TNRC6A: variants seen among roughly 807,000 people sequenced by gnomAD.
TNRC6A encodes trinucleotide repeat containing adaptor 6A, also known as trinucleotide repeat-containing gene 6A protein.
A neutral mutation model predicts 221.2 loss-of-function variants in TNRC6A; 44 were observed. The observed-to-expected ratio is 0.20, with a 90% confidence interval of 0.16 to 0.26. The LOEUF is 0.26. TNRC6A is among the 10% of genes least tolerant of loss of function. The pLI is 1.00. For synonymous variants in TNRC6A, 847 were observed against 838.5 expected (o/e 1.01, Z -0.18); for missense variants, 2,199 against 2,404.4 (o/e 0.91, Z 1.79).
intron 1 of TNRC6A, among the ~76,000 whole-genome samples, chr16:24,629,842 G>A (rs539340558): frequency 5.9e-5 from 9 of 151,956 alleles, no homozygotes; most frequent in South Asian, 2.1e-4. Flanking sequence ...GTGCTGGTGC[G>A]TGCCTGTTAT....
chr16:24,666,251 G>T (rs1024033541), intron 2 of TNRC6A, among the ~76,000 whole-genome samples: 2 of 151,758 alleles, frequency 1.3e-5, no homozygotes, highest in Admixed American at 6.6e-5. Flanking sequence ...GGTGGATCAC[G>T]AGGTCAGGAG....
At chr16:24,726,631 T>C (rs1002635196), upstream of TNRC6A, among the ~76,000 whole-genome samples, 1 of 152,078 alleles carries the variant, frequency 6.6e-6, no homozygotes, top group Non-Finnish European at 1.5e-5. Context: ...CAGTGGAAGG[T>C]GCTTGTGTTG....
At chr16:24,627,627 A>G (rs1901090997) in intron 1 of TNRC6A, among the ~76,000 whole-genome samples, 2 of 147,732 alleles carry the variant, frequency 1.4e-5, no homozygotes, top group African/African-American at 2.5e-5. Context: ...TTGACCCCTG[A>G]TGTGTTCTTA....
At chr16:24,616,339 A>G (rs928204477) in intron 1 of TNRC6A, among the ~76,000 whole-genome samples, 4 of 147,392 alleles carry the variant, frequency 2.7e-5, no homozygotes, top group African/African-American at 1.0e-4. Flanking sequence ...AAAAAAAAAA[A>G]AAAAAGAAGA....
At chr16:24,708,531 G>A (rs907120491) in intron 2 of TNRC6A, among the ~76,000 whole-genome samples, 19 of 151,922 alleles carry the variant, frequency 1.3e-4, no homozygotes, top group African/African-American at 3.9e-4. Flanking sequence ...GTGAGCCACC[G>A]CCCCCAGCCA....
chr16:24,670,544 A>T (rs2055274699), intron 2 of TNRC6A, among the ~76,000 whole-genome samples: 1 of 152,122 alleles, frequency 6.6e-6, no homozygotes, highest in African/African-American at 2.4e-5. Flanking sequence ...GTAATGTAAA[A>T]ATCTGCTTCT....
intron 2 of TNRC6A, among the ~76,000 whole-genome samples, chr16:24,747,038 A>G (rs1335094945): frequency 6.6e-6 from 1 of 150,550 alleles, no homozygotes; most frequent in South Asian, 2.1e-4. Flanking sequence ...CTACTGGAAG[A>G]TACGGGCAAA....
chr16:24,631,153 G>A (rs186257064), intron 1 of TNRC6A, among the ~76,000 whole-genome samples: 48 of 152,338 alleles, frequency 3.2e-4, no homozygotes, highest in Non-Finnish European at 5.9e-4. Context: ...CAAGGTAGGA[G>A]GATAACATCT....
intron 1 of TNRC6A, among the ~76,000 whole-genome samples, chr16:24,623,477 G>C (rs574764937): frequency 2.0e-5 from 3 of 152,086 alleles, no homozygotes; most frequent in African/African-American, 7.2e-5. Flanking sequence ...GATCAGGCTG[G>C]GTCATTCTTC....
At chr16:24,719,396 T>C (rs558023615) in intron 2 of TNRC6A, among the ~76,000 whole-genome samples, 18 of 152,270 alleles carry the variant, frequency 1.2e-4, no homozygotes, top group African/African-American at 4.3e-4. Flanking sequence ...CTGGGCTTGC[T>C]GGCTCACGCT....
chr16:24,776,308 C>T (rs1427156805), intron 4 of TNRC6A: 30 of 984,640 alleles, frequency 3.0e-5, no homozygotes, highest in Non-Finnish European at 3.3e-5. Flanking sequence ...TTATTTATCT[C>T]ATTTTGATTC....
intron 11 of TNRC6A, among the ~76,000 whole-genome samples, chr16:24,798,697 A>G (rs2058269763): frequency 6.6e-6 from 1 of 152,198 alleles, no homozygotes; most frequent in Non-Finnish European, 1.5e-5. Context: ...AAAAATTGAT[A>G]ACCAGTTTGA....
intron 1 of TNRC6A, among the ~76,000 whole-genome samples, chr16:24,626,318 A>G (rs911936260): frequency 3.3e-5 from 5 of 152,204 alleles, no homozygotes; most frequent in Non-Finnish European, 5.9e-5. Flanking sequence ...TATAACACAC[A>G]CAGGAAAAAA....
At chr16:24,639,123 A>G (rs1901793460) in intron 1 of TNRC6A, among the ~76,000 whole-genome samples, 1 of 152,192 alleles carries the variant, frequency 6.6e-6, no homozygotes, top group African/African-American at 2.4e-5. Context: ...TTTGACTCTT[A>G]AAGTTAAGAG....
chr16:24,647,582 C>T (rs1022394233), intron 2 of TNRC6A, among the ~76,000 whole-genome samples: 11 of 152,092 alleles, frequency 7.2e-5, no homozygotes, highest in Admixed American at 3.3e-4. Flanking sequence ...CCATCACCAC[C>T]GTCCATCTCT....
In TNRC6A at chr16:24,814,893, A is replaced by G. The variant is rs542968650; in HGVS notation, c.4673-254A>G. Among the ~76,000 whole-genome samples the G allele has an allele frequency of 2.6e-5, 4 of 152,324 alleles. No homozygotes were observed. The East Asian group carries it at 5.8e-4, about 22-fold the overall frequency. On this transcript the variant is annotated intron_variant, in intron 18 of 24. Coordinates refer to ENST00000395799, the MANE Select transcript of TNRC6A (RefSeq NM_014494.4). The stretch of plus-strand genomic sequence containing the variant: ...ATACAAGTGTTTTAATGATTTGGAA[A>G]TAAGTTTGTACTCATATTCTGGTCA...
intron 2 of TNRC6A, among the ~76,000 whole-genome samples, chr16:24,653,574 G>A (rs1241841745): frequency 1.3e-5 from 2 of 152,054 alleles, no homozygotes; most frequent in Non-Finnish European, 2.9e-5. Flanking sequence ...TCAGGAGTTC[G>A]AGACCAGCCT....
chr16:24,677,020 A>G (rs1398934388), intron 2 of TNRC6A, among the ~76,000 whole-genome samples: 1 of 152,052 alleles, frequency 6.6e-6, no homozygotes, highest in Non-Finnish European at 1.5e-5. Flanking sequence ...TCTGTCGCCA[A>G]TTCAGGCATC....
rs921417174 is a variant in TNRC6A, at chr16:24,791,353, C to G, written c.2711C>G (p.Pro904Arg). ...TTCACTTGGGGAAACAACATAAATCCAAATAATTCATCAGGATGGGATGAA... is the reference window on the plus strand; with the variant it reads ...TTCACTTGGGGAAACAACATAAATCGAAATAATTCATCAGGATGGGATGAA... Reference protein sequence around the residue: ...SSFTWGNNINPNNSSGWDESS... With the variant: ...SSFTWGNNINRNNSSGWDESS... The change falls in exon 6 of 25, where the codon CCA (proline) becomes CGA (arginine). Residue 904 changes from proline to arginine, a missense_variant. Coordinates refer to ENST00000395799, the MANE Select transcript of TNRC6A (RefSeq NM_014494.4). The G allele has an allele frequency of 1.3e-6, 2 of 1,597,548 alleles. No individual in the cohort carries two copies. The highest frequency in any genetic ancestry group is 1.7e-6 in the Non-Finnish European group (2 of 1,171,940).
Sources: allele counts gnomAD v4.1 joint callset (sites outside exome capture counted in the v4.1 genomes callset), GRCh38; gene constraint gnomAD v4.1.1; transcripts MANE v1.5; gene names NCBI Gene and HGNC (gene_info 2026-07-23, HGNC 2026-07-21).